The following PDE1A variants were observed in gnomAD, a reference collection of about 807,000 sequenced individuals.
PDE1A encodes the protein dual specificity calcium/calmodulin-dependent 3',5'-cyclic nucleotide phosphodiesterase 1A.
PDE1A carries 35 observed loss-of-function variants against 61.7 expected under a neutral mutation model. That is an observed-to-expected ratio of 0.57 (90% CI 0.43 to 0.75). The LOEUF is 0.75. Ranked by LOEUF, PDE1A falls within the 30% of genes least tolerant of loss-of-function variation. PDE1A has a pLI of 0.00. For missense variants in PDE1A, 597 were observed against 630.6 expected (o/e 0.95, Z 0.57); for synonymous variants, 232 against 213.2 (o/e 1.09, Z -0.77).
chr2:182,305,319 A>G (rs148723068), intron 1 of PDE1A, among the ~76,000 whole-genome samples: 22 of 151,914 alleles, frequency 1.4e-4, no homozygotes, highest in African/African-American at 5.1e-4. Flanking sequence ...CATCATGAAT[A>G]AGCCATTTTT....
the PDE1A span, among the ~76,000 whole-genome samples, chr2:182,643,742 C>T: frequency 6.6e-6 from 1 of 151,996 alleles, no homozygotes; most frequent in Non-Finnish European, 1.5e-5. Flanking sequence ...TTCAGGGGGA[C>T]ACTACAATAA....
chr2:182,268,129 T>A (rs1188429881), intron 1 of PDE1A, among the ~76,000 whole-genome samples: 1 of 152,110 alleles, frequency 6.6e-6, no homozygotes, highest in African/African-American at 2.4e-5. Context: ...AGATAAGTTG[T>A]TCTGGTTCCC....
chr2:182,294,578 A>C (rs1235831238), intron 1 of PDE1A, among the ~76,000 whole-genome samples: 2 of 152,172 alleles, frequency 1.3e-5, no homozygotes, highest in African/African-American at 4.8e-5. Flanking sequence ...ATTTCCTTCT[A>C]TAGGATCCCC....
chr2:182,482,800 A>G (rs1687785907), intron 2 of PDE1A, among the ~76,000 whole-genome samples: 1 of 151,968 alleles, frequency 6.6e-6, no homozygotes, highest in South Asian at 2.1e-4. Context: ...TATGGAGTTC[A>G]GAAAGCATGT....
the PDE1A span, among the ~76,000 whole-genome samples, chr2:182,704,612 A>G: frequency 3.3e-5 from 5 of 152,248 alleles, no homozygotes; most frequent in South Asian, 6.2e-4. Context: ...CTTTATTTAA[A>G]AATAATCCAT....
At chr2:182,451,497 T>C (rs1685517784) in intron 2 of PDE1A, among the ~76,000 whole-genome samples, 1 of 152,154 alleles carries the variant, frequency 6.6e-6, no homozygotes, top group African/African-American at 2.4e-5. Context: ...TGTTATTAAC[T>C]GGCATCATCA....
chr2:182,334,346 C>A (rs4583421), intron 1 of PDE1A, among the ~76,000 whole-genome samples: 1 of 151,552 alleles, frequency 6.6e-6, no homozygotes, highest in African/African-American at 2.4e-5. Context: ...AGGCCAATAT[C>A]CCTGATGAAC....
intron 2 of PDE1A, among the ~76,000 whole-genome samples, chr2:182,474,196 G>C (rs1687215030): frequency 6.6e-6 from 1 of 151,946 alleles, no homozygotes; most frequent in Admixed American, 6.6e-5. Flanking sequence ...GGGTAACCAT[G>C]AAGAGTAAAT....
downstream of PDE1A, chr2:182,167,816 A>C: frequency 1.6e-6 from 1 of 628,246 alleles, no homozygotes; most frequent in Non-Finnish European, 2.0e-6. Flanking sequence ...TGGTAGAATT[A>C]ATGTAAAAGA....
chr2:182,712,708 C>G, the PDE1A span, among the ~76,000 whole-genome samples: 4 of 152,200 alleles, frequency 2.6e-5, no homozygotes, highest in African/African-American at 9.6e-5. Context: ...AGGAGCCCAC[C>G]ACCACGCCTG....
the PDE1A span, among the ~76,000 whole-genome samples, chr2:182,539,642 A>C: frequency 1.3e-5 from 2 of 152,230 alleles, no homozygotes. Flanking sequence ...GAAAGTCTTC[A>C]TTTTGCCAGG....
the PDE1A span, among the ~76,000 whole-genome samples, chr2:182,700,054 A>G: frequency 1.3e-5 from 2 of 152,298 alleles, no homozygotes; most frequent in Middle Eastern, 3.4e-3. Flanking sequence ...TTCTTTCTCT[A>G]TGAAAATGAT....
downstream of PDE1A, among the ~76,000 whole-genome samples, chr2:182,144,411 C>A (rs1323572275): frequency 1.3e-5 from 2 of 152,072 alleles, no homozygotes; most frequent in Non-Finnish European, 2.9e-5. Flanking sequence ...AAAATGTAAG[C>A]AAAACAAAAC....
At chr2:182,551,957 G>C in the PDE1A span, among the ~76,000 whole-genome samples, 9 of 152,190 alleles carry the variant, frequency 5.9e-5, no homozygotes, top group Non-Finnish European at 8.8e-5. Context: ...AGAGAAGCTA[G>C]AGATTACTCT....
At chr2:182,689,435 A>G in the PDE1A span, among the ~76,000 whole-genome samples, 6 of 152,244 alleles carry the variant, frequency 3.9e-5, no homozygotes, top group African/African-American at 1.4e-4. Flanking sequence ...ACTACTGGGT[A>G]CATAACAAAA....
At chr2:182,493,268 A>G (rs1270125481) in intron 2 of PDE1A, among the ~76,000 whole-genome samples, 1 of 145,212 alleles carries the variant, frequency 6.9e-6, no homozygotes, top group Admixed American at 6.9e-5. Flanking sequence ...GTCTTACTAT[A>G]CTGGTTAGGC....
chr2:182,712,848 G>A, the PDE1A span, among the ~76,000 whole-genome samples: 135 of 152,226 alleles, frequency 8.9e-4, no homozygotes, highest in Non-Finnish European at 1.5e-3. Context: ...GAGCCACCGC[G>A]CCTGGCTCAG....
rs1385614845 is a variant in PDE1A at position 182,261,498 on chromosome 2, T to C, written c.167+2803A>G. The stretch of plus-strand genomic sequence containing the variant: ...CCATGGAAGCATTATAATAAAATAA[T>C]AAAAATTTGGAGTAAATATTAGGAA... On this transcript the variant is annotated intron_variant, in intron 2 of 13. Coordinates refer to ENST00000351439, the Ensembl canonical transcript of PDE1A. Among the ~76,000 whole-genome samples, 5 of 152,122 alleles carry C rather than the reference T, an allele frequency of 3.3e-5. No individual in the cohort carries two copies. The East Asian group carries it at 9.6e-4, about 29-fold the overall frequency.
intron 2 of PDE1A, among the ~76,000 whole-genome samples, chr2:182,491,872 T>TG (rs1283558857): frequency 1.3e-5 from 2 of 152,172 alleles, no homozygotes; most frequent in African/African-American, 4.8e-5. Context: ...TCTATGCACT[T>TG]GCAGAGGACC....
Sources: allele counts gnomAD v4.1 joint callset (sites outside exome capture counted in the v4.1 genomes callset), GRCh38; gene constraint gnomAD v4.1.1; transcripts MANE v1.5; gene names NCBI Gene and HGNC (gene_info 2026-07-23, HGNC 2026-07-21).